Variants in FRMD6 observed in about 807,000 individuals in gnomAD.
The protein encoded by FRMD6 is FERM domain containing 6.
FRMD6 carries 37 observed loss-of-function variants against 73.2 expected under a neutral mutation model. The observed-to-expected ratio is 0.51, with a 90% CI of 0.39 to 0.66. The LOEUF is 0.66. FRMD6 is among the 30% of genes least tolerant of loss of function. The probability of loss-of-function intolerance (pLI) is 0.00; values close to 1 mark genes in which losing one functional copy is unlikely to be tolerated. For synonymous variants in FRMD6, 273 were observed against 282.2 expected (o/e 0.97, Z 0.33); for missense variants, 714 against 780.5 (o/e 0.91, Z 1.02).
chr14:51,408,679 T>G, the FRMD6 span, among the ~76,000 whole-genome samples: 3 of 152,316 alleles, frequency 2.0e-5, no homozygotes, highest in African/African-American at 7.2e-5. Flanking sequence ...ATCTTTTATT[T>G]CTTTAAACAT....
chr14:51,597,121 A>G (rs2139776377), intron 2 of FRMD6, among the ~76,000 whole-genome samples: 1 of 152,372 alleles, frequency 6.6e-6, no homozygotes, highest in Admixed American at 6.5e-5. Context: ...CATGTGGTAA[A>G]TACAGCAACA....
chr14:51,663,588 A>G (rs555274230), intron 1 of FRMD6, among the ~76,000 whole-genome samples: 2 of 152,146 alleles, frequency 1.3e-5, no homozygotes, highest in Non-Finnish European at 2.9e-5. Context: ...GGGGACATAC[A>G]CTGGGGCTTA....
chr14:51,570,580 G>A (rs1888076842), intron 2 of FRMD6, among the ~76,000 whole-genome samples: 1 of 152,200 alleles, frequency 6.6e-6, no homozygotes. Context: ...AGAGCAGTGG[G>A]TCTGAAAATG....
intron 8 of FRMD6, 21 bp from the exon 9 acceptor site, chr14:51,712,462 A>G (rs371872954): frequency 5.6e-5 from 79 of 1,420,136 alleles, no homozygotes; most frequent in Non-Finnish European, 7.1e-5. Flanking sequence ...CATTAACTCC[A>G]TATGCATATT....
At chr14:51,599,878 G>T (rs999943712) in intron 2 of FRMD6, 1 of 147,880 alleles carries the variant, frequency 6.8e-6, no homozygotes, top group Non-Finnish European at 1.5e-5. Context: ...ATCTAGTGTG[G>T]CCTCTGAGTG....
chr14:51,606,484 C>T (rs75878747), intron 2 of FRMD6, among the ~76,000 whole-genome samples: 6,280 of 152,252 alleles, frequency 0.041, 164 homozygotes, highest in Middle Eastern at 0.12. Context: ...CAGCCCTCTC[C>T]CATCACCTCT....
intron 1 of FRMD6, chr14:51,546,742 T>C (rs1291382328): frequency 6.6e-6 from 1 of 152,158 alleles, no homozygotes; most frequent in Non-Finnish European, 1.5e-5. Context: ...GCACACTGCT[T>C]TCTCTTGGAA....
intron 2 of FRMD6, 27 bp downstream of exon 2, chr14:51,689,962 C>T (rs777139314): frequency 4.9e-6 from 7 of 1,421,846 alleles, no homozygotes; most frequent in Admixed American, 1.7e-5. Flanking sequence ...TTAGAAATGT[C>T]TAAATATTGT....
chr14:51,639,608 C>G (rs1891731951), intron 2 of FRMD6, among the ~76,000 whole-genome samples: 1 of 152,138 alleles, frequency 6.6e-6, no homozygotes, highest in Non-Finnish European at 1.5e-5. Context: ...GGCATAGCAT[C>G]TAAAACACAC....
At chr14:51,475,025 G>A in the FRMD6 span, among the ~76,000 whole-genome samples, 1 of 152,172 alleles carries the variant, frequency 6.6e-6, no homozygotes, top group Non-Finnish European at 1.5e-5. Context: ...GAATGACAGA[G>A]TCATCAGTTA....
chr14:51,584,209 A>C (rs1482257639), intron 2 of FRMD6: 1 of 152,206 alleles, frequency 6.6e-6, no homozygotes, highest in Non-Finnish European at 1.5e-5. Context: ...CTGATTCATC[A>C]TTTAAGCTTT....
At chr14:51,544,109 G>A (rs1221206038) in intron 1 of FRMD6, among the ~76,000 whole-genome samples, 1 of 151,822 alleles carries the variant, frequency 6.6e-6, no homozygotes, top group African/African-American at 2.4e-5. Flanking sequence ...CCCCTTCCCA[G>A]GTATTTTGAA....
rs1321977822 is a variant in FRMD6 at position 51,722,075 on chromosome 14, A to G, written c.1487A>G (p.His496Arg). The G allele has an allele frequency of 9.3e-6, 15 of 1,614,016 alleles. No individual in the cohort carries two copies. The highest frequency in any genetic ancestry group is 1.3e-5 in the Non-Finnish European group (15 of 1,179,960). The part of the protein sequence containing the change: ...DMLMSRKLNG[H>R]SGLIVKEIGS... ...CTCATGTCGCGGAAGCTGAATGGACACTCTGGTGAGCTCTTACGGGAAGTT... is the reference window on the plus strand; with the variant it reads ...CTCATGTCGCGGAAGCTGAATGGACGCTCTGGTGAGCTCTTACGGGAAGTT... The change falls in exon 12 of 14, where the codon CAC becomes CGC. Residue 496 changes from histidine (H) to arginine (R), a missense_variant. By Grantham distance (29) the His-to-Arg change is conservative. Coordinates refer to ENST00000344768, the MANE Select transcript of FRMD6 (RefSeq NM_001267046.2).
At chr14:51,696,419 G>A (rs1895945029) in intron 2 of FRMD6, among the ~76,000 whole-genome samples, 1 of 150,760 alleles carries the variant, frequency 6.6e-6, no homozygotes, top group Non-Finnish European at 1.5e-5. Flanking sequence ...TTATTTGTAT[G>A]AGTTATTATT....
Position 51,728,460 on chromosome 14 carries a change from A to G in FRMD6, c.*431A>G, listed in dbSNP as rs1446208305. 5.7e-6 allele frequency: 1 copy of G among 175,232 alleles called. No homozygotes were observed. Among genetic ancestry groups the G allele is most frequent in the African/African-American group, 2.4e-5 (1 of 41,926 alleles). 10.9% of individuals were successfully genotyped at this position (175,232 alleles called of 1,614,324 possible). A position where few individuals can be genotyped will look rare whatever the true frequency, so the allele number is the denominator to read the frequency against. On this transcript the variant is annotated 3_prime_UTR_variant, in exon 14 of 14. Coordinates refer to ENST00000344768, the MANE Select transcript of FRMD6 (RefSeq NM_001267046.2). Reference sequence around the variant, plus strand: ...AAATGCTCATAGTTTGGGAGAGGAAAGAGGGAAGATTCTCTCTTCTTTTAA... The same window carrying G: ...AAATGCTCATAGTTTGGGAGAGGAAGGAGGGAAGATTCTCTCTTCTTTTAA...
chr14:51,450,939 C>G, the FRMD6 span, among the ~76,000 whole-genome samples: 1 of 152,182 alleles, frequency 6.6e-6, no homozygotes, highest in Non-Finnish European at 1.5e-5. Context: ...AGGAGATCAT[C>G]TGAGTGCACT....
Position 51,730,184 on chromosome 14 carries a change from G to C in FRMD6, c.*2155G>C, listed in dbSNP as rs1898185563. The C allele has an allele frequency of 6.6e-6, 1 of 152,102 alleles. No individual in the cohort carries two copies. The highest frequency in any genetic ancestry group is 2.4e-5 in the African/African-American group (1 of 41,412). 9.4% of individuals were successfully genotyped at this position (152,102 alleles called of 1,614,324 possible). A position where few individuals can be genotyped will look rare whatever the true frequency, so the allele number is the denominator to read the frequency against. On this transcript the variant is annotated 3_prime_UTR_variant, in exon 14 of 14. Coordinates refer to ENST00000344768, the MANE Select transcript of FRMD6 (RefSeq NM_001267046.2). ...AAACATATTTAATTACTGTAAACAG[G>C]TACTGCTTTATGTTTATTTTCTCTC... is the stretch of plus-strand genomic sequence containing the variant.
intron 2 of FRMD6, among the ~76,000 whole-genome samples, chr14:51,589,551 C>T (rs1291634340): frequency 6.6e-6 from 1 of 151,942 alleles, no homozygotes; most frequent in Non-Finnish European, 1.5e-5. Flanking sequence ...ACAAAACACT[C>T]TCCACTGAGG....
chr14:51,555,065 C>T (rs778709058), intron 1 of FRMD6, among the ~76,000 whole-genome samples: 2 of 152,286 alleles, frequency 1.3e-5, no homozygotes, highest in African/African-American at 4.8e-5. Flanking sequence ...ATTGTGGACC[C>T]TTCCTCCAAT....
Sources: allele counts gnomAD v4.1 joint callset (sites outside exome capture counted in the v4.1 genomes callset), GRCh38; gene constraint gnomAD v4.1.1; transcripts MANE v1.5; gene names NCBI Gene and HGNC (gene_info 2026-07-23, HGNC 2026-07-21).